The following PCDHA1 variants were observed in gnomAD, a reference collection of about 807,000 sequenced individuals.
PCDHA1 encodes protocadherin alpha-1.
PCDHA1 carries 42 observed loss-of-function variants against 61.3 expected under a neutral mutation model. The observed-to-expected ratio is 0.69, with a 90% CI of 0.54 to 0.89. The LOEUF (loss-of-function observed/expected upper bound fraction) is 0.89, where lower values mean the gene tolerates loss of function less well. PCDHA1 is among the 40% of genes least tolerant of loss of function. PCDHA1 has a pLI of 0.00. For missense variants in PCDHA1, 1,256 were observed against 1,235.3 expected, an observed-to-expected ratio of 1.02 and a Z score of -0.25; for synonymous variants, 610 against 553.8, an observed-to-expected ratio of 1.10 and a Z score of -1.43.
intron 1 of PCDHA1, among the ~76,000 whole-genome samples, chr5:140,953,569 C>G (rs246030): frequency 0.56 from 85,556 of 151,828 alleles, 24,725 homozygotes; most frequent in African/African-American, 0.69. Context: ...TTAGTGCCCT[C>G]CTCTCCCAAA....
At chr5:140,995,416 T>G (rs2097682772) in intron 3 of PCDHA1, among the ~76,000 whole-genome samples, 1 of 152,228 alleles carries the variant, frequency 6.6e-6, no homozygotes, top group African/African-American at 2.4e-5. Context: ...TTCATCACAT[T>G]ACTCAGAACA....
intron 1 of PCDHA1, chr5:140,814,565 T>C (rs2150036613): frequency 6.6e-6 from 1 of 152,332 alleles, no homozygotes; most frequent in South Asian, 2.1e-4. Flanking sequence ...TATCAAGTAT[T>C]ATGTACTGTA....
chr5:140,872,662 A>G (rs1554166315), intron 1 of PCDHA1, among the ~76,000 whole-genome samples: 2 of 152,132 alleles, frequency 1.3e-5, no homozygotes, highest in Admixed American at 1.3e-4. Context: ...TTTGTCAACT[A>G]TTGGATACTC....
At chr5:140,924,596 T>C (rs1309205821) in intron 1 of PCDHA1, among the ~76,000 whole-genome samples, 1 of 152,116 alleles carries the variant, frequency 6.6e-6, no homozygotes, top group Non-Finnish European at 1.5e-5. Context: ...TATAGAAATA[T>C]GCAGGCTGAT....
intron 1 of PCDHA1, chr5:140,855,906 C>G (rs1442009275): frequency 3.5e-6 from 4 of 1,137,256 alleles, no homozygotes; most frequent in Non-Finnish European, 3.7e-6. Context: ...CAGCCAGTTT[C>G]TCAAGGACTA....
intron 3 of PCDHA1, among the ~76,000 whole-genome samples, chr5:141,003,969 G>A (rs781827494): frequency 2.0e-5 from 3 of 152,158 alleles, no homozygotes; most frequent in Non-Finnish European, 4.4e-5. Flanking sequence ...GAGCATAAGG[G>A]AGGGGACTTG....
At chr5:140,801,924 G>C in intron 1 of PCDHA1, 1 of 1,614,206 alleles carries the variant, frequency 6.2e-7, no homozygotes, top group Non-Finnish European at 8.5e-7. Context: ...CCCAGCGTTT[G>C]AGAGGACGAT....
intron 1 of PCDHA1, chr5:140,967,255 T>G (rs202164321): frequency 2.5e-6 from 4 of 1,613,342 alleles, no homozygotes; most frequent in Non-Finnish European, 3.4e-6. Context: ...CGGTGGCGCC[T>G]GGAGCGCGCT....
intron 1 of PCDHA1, chr5:140,883,009 T>C (rs782092684): frequency 1.2e-6 from 2 of 1,614,126 alleles, no homozygotes; most frequent in South Asian, 2.2e-5. Flanking sequence ...AATCCGTTTA[T>C]AAAGTGACGG....
Position 141,009,722 on chromosome 5 carries a change from G to T in PCDHA1, c.2638G>T (p.Gly880Cys), listed in dbSNP as rs552954748. 6.8e-6 allele frequency: 11 copies of T among 1,614,022 alleles called. No individual in the cohort carries two copies. The highest frequency in any genetic ancestry group is 9.3e-6 in the Non-Finnish European group (11 of 1,180,046). Residue 880 changes from glycine (G) to cysteine (C), a missense_variant, in exon 4 of 4, where the codon GGT becomes TGT. Gly to Cys is a radical substitution (Grantham distance 159). Transcript: ENST00000504120. ...CGGACCAGGCAACCCCAAACAATCC[G>T]GTCCCGGTGAGTTGCCCGACAAATT... ...KYGPGNPKQS[G>C]PGELPDKFII...
At chr5:140,896,470 C>T (rs1583233416) in intron 1 of PCDHA1, among the ~76,000 whole-genome samples, 2 of 151,962 alleles carry the variant, frequency 1.3e-5, no homozygotes, top group South Asian at 4.2e-4. Context: ...TCAAGCGGTT[C>T]TCCTGCCTCA....
intron 1 of PCDHA1, among the ~76,000 whole-genome samples, chr5:140,931,398 T>C: frequency 6.6e-6 from 1 of 152,112 alleles, no homozygotes; most frequent in African/African-American, 2.4e-5. Context: ...AAGTAAGCGA[T>C]AGGAAGGCTG....
chr5:140,835,609 T>C, intron 1 of PCDHA1: 2 of 1,613,962 alleles, frequency 1.2e-6, no homozygotes, highest in South Asian at 2.2e-5. Flanking sequence ...TCATTGGTGC[T>C]GGACAGCGCT....
Position 140,795,208 on chromosome 5 carries a change from G to C in PCDHA1, c.2394+6524G>C, listed in dbSNP as rs199539947. 1.7e-4 allele frequency: 269 copies of C among 1,614,220 alleles called. 1 individual carries two copies. The highest frequency in any genetic ancestry group is 1.3e-3 in the Middle Eastern group (8 of 6,046). Reference sequence around the variant, plus strand: ...CCTTCTGGAGGTAAATCTGCAGAATGGCATTTTGTTTGTGAATTCTCGGAT... The same window carrying C: ...CCTTCTGGAGGTAAATCTGCAGAATCGCATTTTGTTTGTGAATTCTCGGAT... On this transcript the variant is annotated intron_variant, in intron 1 of 3. Coordinates refer to ENST00000504120, the MANE Select transcript of PCDHA1 (RefSeq NM_018900.4).
intron 1 of PCDHA1, among the ~76,000 whole-genome samples, chr5:140,833,207 A>G (rs1554133788): frequency 6.6e-6 from 1 of 152,228 alleles, no homozygotes; most frequent in African/African-American, 2.4e-5. Context: ...AGAATGAAAT[A>G]GGAATGGACA....
rs782448077 is a variant in PCDHA1 at position 140,870,373 on chromosome 5, G to T, written c.2394+81689G>T. 68 of 1,614,118 alleles carry T rather than the reference G, an allele frequency of 4.2e-5. No individual in the cohort carries two copies. In the Admixed American group the frequency reaches 5.3e-4, roughly 13 times the overall value. On this transcript the variant is annotated intron_variant, in intron 1 of 3. Coordinates refer to ENST00000504120, the MANE Select transcript of PCDHA1 (RefSeq NM_018900.4). The stretch of plus-strand genomic sequence containing the variant: ...GAACGTGTGGGCCTATGAACTGGTG[G>T]TGACTGCGCGGGATGGGGGTTCGCC...
chr5:140,857,750 C>T (rs781977975), intron 1 of PCDHA1: 1 of 1,597,430 alleles, frequency 6.3e-7, no homozygotes, highest in Non-Finnish European at 8.6e-7. Context: ...GCTGGCGTCT[C>T]CCGCTGGCAG....
intron 1 of PCDHA1, chr5:140,808,499 A>G: frequency 6.2e-7 from 1 of 1,614,192 alleles, no homozygotes; most frequent in Non-Finnish European, 8.5e-7. Context: ...GCTGTGGGCC[A>G]CGGCCAGTGT....
At chr5:140,952,242 C>T (rs1469286013) in intron 1 of PCDHA1, among the ~76,000 whole-genome samples, 2 of 151,750 alleles carry the variant, frequency 1.3e-5, no homozygotes, top group African/African-American at 4.8e-5. Context: ...CTGCTTAGAA[C>T]TGCTGGTGGA....
Sources: gnomAD v4.1 joint callset for allele counts (sites outside exome capture counted in the v4.1 genomes callset) on GRCh38, gnomAD v4.1.1 for gene constraint, MANE v1.5 for transcripts, NCBI Gene and HGNC (gene_info 2026-07-23, HGNC 2026-07-21) for gene names.